KCNH1: variants seen among roughly 807,000 people sequenced by gnomAD.
The protein encoded by KCNH1 is potassium voltage-gated channel subfamily H member 1.
In KCNH1, 27 loss-of-function variants were observed where a neutral mutation model predicts 69.2. That is an observed-to-expected ratio of 0.39 (90% CI 0.29 to 0.54). The LOEUF (loss-of-function observed/expected upper bound fraction) is 0.54, where lower values mean the gene tolerates loss of function less well. Ranked by LOEUF, KCNH1 falls within the 20% of genes least tolerant of loss-of-function variation. The pLI is 0.68. For synonymous variants in KCNH1, 456 were observed against 487.7 expected, an observed-to-expected ratio of 0.93 and a Z score of 0.86; for missense variants, 798 against 1,261.6, an observed-to-expected ratio of 0.63 and a Z score of 5.57.
chr1:210,736,639 T>C (rs1229308264), intron 10 of KCNH1, among the ~76,000 whole-genome samples: 1 of 151,512 alleles, frequency 6.6e-6, no homozygotes, highest in Admixed American at 6.6e-5. Flanking sequence ...GGGAAACAGA[T>C]ACAGAGAAAA....
intron 7 of KCNH1, among the ~76,000 whole-genome samples, chr1:210,884,610 G>C (rs1035718507): frequency 1.3e-5 from 2 of 152,164 alleles, no homozygotes; most frequent in African/African-American, 4.8e-5. Flanking sequence ...CTTTTGGTGA[G>C]AGAAGAGCAG....
chr1:211,099,845 T>C (rs1691226613), intron 3 of KCNH1, among the ~76,000 whole-genome samples: 1 of 152,112 alleles, frequency 6.6e-6, no homozygotes, highest in Admixed American at 6.5e-5. Flanking sequence ...AGCCCATCAC[T>C]GGACACCACT....
chr1:211,047,522 C>T (rs1237700724), intron 5 of KCNH1, among the ~76,000 whole-genome samples: 2 of 152,148 alleles, frequency 1.3e-5, no homozygotes, highest in Non-Finnish European at 2.9e-5. Flanking sequence ...GGCAAAGTCT[C>T]AGCCTGGAAA....
intron 10 of KCNH1, among the ~76,000 whole-genome samples, chr1:210,710,539 T>C (rs1435978197): frequency 6.6e-6 from 1 of 152,212 alleles, no homozygotes; most frequent in East Asian, 1.9e-4. Context: ...ATGGCTATGA[T>C]ATCACTAAGT....
At chr1:210,752,089 G>T (rs938649246) in intron 10 of KCNH1, among the ~76,000 whole-genome samples, 1 of 152,152 alleles carries the variant, frequency 6.6e-6, no homozygotes. Flanking sequence ...GTAGCCCAGT[G>T]GGGCAAAGGT....
At chr1:210,840,873 G>A (rs1685391319) in intron 7 of KCNH1, among the ~76,000 whole-genome samples, 1 of 152,136 alleles carries the variant, frequency 6.6e-6, no homozygotes, top group South Asian at 2.1e-4. Context: ...AGGAATGATG[G>A]TATAGTTTAC....
chr1:210,693,599 G>C (rs901945467), intron 10 of KCNH1, among the ~76,000 whole-genome samples: 1 of 151,578 alleles, frequency 6.6e-6, no homozygotes, highest in Non-Finnish European at 1.5e-5. Context: ...ATGATGTAAG[G>C]AGAAACAAAT....
At chr1:210,756,920 A>T (rs992119615) in intron 10 of KCNH1, among the ~76,000 whole-genome samples, 38 of 152,188 alleles carry the variant, frequency 2.5e-4, no homozygotes, top group African/African-American at 8.9e-4. Context: ...CTGGATAGTG[A>T]TTTCTCTCAG....
chr1:210,744,469 C>A (rs1400867905), intron 10 of KCNH1, among the ~76,000 whole-genome samples: 1 of 152,128 alleles, frequency 6.6e-6, no homozygotes, highest in Non-Finnish European at 1.5e-5. Context: ...CATAGTGAAA[C>A]CCCATCTCTA....
intron 9 of KCNH1, among the ~76,000 whole-genome samples, chr1:210,780,514 G>C (rs1409091600): frequency 1.3e-5 from 2 of 152,166 alleles, no homozygotes; most frequent in Admixed American, 1.3e-4. Context: ...CAGATGCAGT[G>C]GGGGAAGGAG....
rs1681244678 is a variant in KCNH1 at position 210,680,750 on chromosome 1, C to G, written c.*2531G>C. ...ATTACAGGAGAATAAAGCCCATGCACCCACACGTGCACCTGTGACCCAAGA... is the reference window on the plus strand; with the variant it reads ...ATTACAGGAGAATAAAGCCCATGCAGCCACACGTGCACCTGTGACCCAAGA... On this transcript the variant is annotated 3_prime_UTR_variant, in exon 11 of 11. Transcript: ENST00000271751. 6.6e-6 allele frequency: 1 copy of G among 152,230 alleles called. No homozygotes were observed. The highest frequency in any genetic ancestry group is 6.5e-5 in the Admixed American group (1 of 15,286). The allele number at this position is 152,230 out of a possible 1,614,324, so 9.4% of individuals were successfully genotyped here.
At chr1:210,832,931 T>TATATATA (rs1202393975) in intron 7 of KCNH1, among the ~76,000 whole-genome samples, 1 of 118,258 alleles carries the variant, frequency 8.5e-6, no homozygotes, top group Non-Finnish European at 2.0e-5. Flanking sequence ...TACATATAAA[T>TATATATA]TGAATTTGAG....
At chr1:211,098,114 T>G (rs1222891505) in intron 3 of KCNH1, among the ~76,000 whole-genome samples, 1 of 150,944 alleles carries the variant, frequency 6.6e-6, no homozygotes, top group Non-Finnish European at 1.5e-5. Context: ...GCTAAGGAGG[T>G]GAAGACCAGC....
At position 211,090,572 on chromosome 1, in the gene KCNH1, A is replaced by G. The variant is rs756409921; in HGVS notation, c.429T>C (p.Asp143=). The part of the protein sequence containing the change: ...ITAFKQPIED[D]SCKGWGKFAR... ...GTCAGAATTACAAACCTTTACATGA[A>G]TCATCCTCAATTGGCTGTTTGAAAG... The change falls in exon 4 of 11, where the codon GAT becomes GAC. Residue 143 remains aspartate (D), a synonymous_variant. Coordinates refer to ENST00000271751, the MANE Select transcript of KCNH1 (RefSeq NM_172362.3). 5.0e-6 allele frequency: 8 copies of G among 1,603,284 alleles called. No homozygotes were observed. The highest frequency in any genetic ancestry group is 3.3e-4 in the Middle Eastern group (2 of 6,034).
At chr1:210,823,187 CT>C (rs1288037237) in intron 7 of KCNH1, among the ~76,000 whole-genome samples, 1 of 152,058 alleles carries the variant, frequency 6.6e-6, no homozygotes, top group Non-Finnish European at 1.5e-5. Context: ...CAGCCAATTA[CT>C]TCAGGAGAGT....
chr1:210,776,453 T>G (rs1683863415), intron 9 of KCNH1, among the ~76,000 whole-genome samples: 1 of 152,156 alleles, frequency 6.6e-6, no homozygotes, highest in African/African-American at 2.4e-5. Flanking sequence ...TAACCCTTAG[T>G]GCAATGATGT....
chr1:210,793,403 T>G (rs1333685044), intron 9 of KCNH1, among the ~76,000 whole-genome samples: 1 of 152,248 alleles, frequency 6.6e-6, no homozygotes, highest in African/African-American at 2.4e-5. Flanking sequence ...AAGTATCAAA[T>G]TCTGTGTATA....
At chr1:210,696,194 G>C (rs1485753669) in intron 10 of KCNH1, among the ~76,000 whole-genome samples, 1 of 152,118 alleles carries the variant, frequency 6.6e-6, no homozygotes, top group Non-Finnish European at 1.5e-5. Flanking sequence ...TTCCTCAGAG[G>C]TCCTGGCACA....
chr1:211,104,787 T>G (rs1691323251), intron 2 of KCNH1, among the ~76,000 whole-genome samples: 1 of 152,218 alleles, frequency 6.6e-6, no homozygotes, highest in Non-Finnish European at 1.5e-5. Flanking sequence ...TTGCACAAAC[T>G]GCCATGGGTT....
Sources: gnomAD v4.1 joint callset for allele counts (sites outside exome capture counted in the v4.1 genomes callset) on GRCh38, gnomAD v4.1.1 for gene constraint, MANE v1.5 for transcripts, NCBI Gene and HGNC (gene_info 2026-07-23, HGNC 2026-07-21) for gene names.